ZNF536: variants seen among roughly 807,000 people sequenced by gnomAD.
The protein encoded by ZNF536 is zinc finger protein 536.
A neutral mutation model predicts 84.5 loss-of-function variants in ZNF536; 13 were observed. The ratio of observed to expected loss-of-function variants is 0.15; its 90% CI spans 0.10 to 0.24. The LOEUF (loss-of-function observed/expected upper bound fraction) is 0.24. Ranked by LOEUF, ZNF536 falls within the 10% of genes least tolerant of loss-of-function variation. The probability of loss-of-function intolerance (pLI) is 1.00; values close to 1 mark genes in which losing one functional copy is unlikely to be tolerated. For missense variants in ZNF536, 1,536 were observed against 1,747.5 expected, an observed-to-expected ratio of 0.88 and a Z score of 2.16; for synonymous variants, 811 against 742.5, an observed-to-expected ratio of 1.09 and a Z score of -1.50.
intron 2 of ZNF536, among the ~76,000 whole-genome samples, chr19:30,509,533 C>A (rs932658721): frequency 5.4e-4 from 80 of 148,524 alleles, no homozygotes; most frequent in African/African-American, 1.9e-3. Context: ...TATATAGTAA[C>A]ATATATTTAT....
intron 1 of ZNF536, among the ~76,000 whole-genome samples, chr19:30,688,821 C>T (rs1004311685): frequency 1.3e-5 from 2 of 152,280 alleles, no homozygotes; most frequent in East Asian, 3.9e-4. Context: ...TGTGTTGGGG[C>T]TAAGCTCAGA....
intron 3 of ZNF536, among the ~76,000 whole-genome samples, chr19:30,541,675 A>C (rs2045337700): frequency 6.6e-6 from 1 of 152,244 alleles, no homozygotes. Context: ...AATTAACTAC[A>C]GTTTCTAGGT....
chr19:30,376,336 C>G (rs765897670), intron 1 of ZNF536, among the ~76,000 whole-genome samples: 17 of 152,170 alleles, frequency 1.1e-4, no homozygotes, highest in Non-Finnish European at 2.4e-4. Flanking sequence ...TCGGCTGGCC[C>G]TGTTCCACCC....
intron 1 of ZNF536, among the ~76,000 whole-genome samples, chr19:30,577,964 T>A (rs756085343): frequency 6.6e-6 from 1 of 152,198 alleles, no homozygotes; most frequent in African/African-American, 2.4e-5. Context: ...GGAAAATGAA[T>A]CACTCTTTTA....
At chr19:30,691,260 C>T (rs191472536) in intron 1 of ZNF536, among the ~76,000 whole-genome samples, 2 of 152,262 alleles carry the variant, frequency 1.3e-5, no homozygotes, top group East Asian at 3.9e-4. Context: ...CCACCCCCCA[C>T]ATGCACATGA....
chr19:30,259,619 C>T (rs1385279546), intron 1 of ZNF536, among the ~76,000 whole-genome samples: 1 of 152,180 alleles, frequency 6.6e-6, no homozygotes, highest in African/African-American at 2.4e-5. Flanking sequence ...AAGCCCAATC[C>T]CCATGTTCCA....
intron 1 of ZNF536, among the ~76,000 whole-genome samples, chr19:30,708,008 C>CAAAA (rs60270540): frequency 0.014 from 1,403 of 102,876 alleles, 15 homozygotes; most frequent in Middle Eastern, 0.045. Flanking sequence ...GAGACTCCAT[C>CAAAA]AAAAAAAAAA....
intron 1 of ZNF536, among the ~76,000 whole-genome samples, chr19:30,622,715 C>A (rs2048527320): frequency 6.6e-6 from 1 of 152,160 alleles, no homozygotes; most frequent in African/African-American, 2.4e-5. Context: ...GGTTGAAGGC[C>A]CAGCTTTGGG....
intron 1 of ZNF536, among the ~76,000 whole-genome samples, chr19:30,249,954 C>G (rs2024510970): frequency 6.6e-6 from 1 of 152,172 alleles, no homozygotes; most frequent in Non-Finnish European, 1.5e-5. Context: ...GGCAGCACTC[C>G]CTGAATCTGC....
In ZNF536 at chr19:30,704,819, C is replaced by T. The variant is rs117673904; in HGVS notation, c.170-5938C>T. Reference sequence around the variant, plus strand: ...CACAGCCCCCTCAGCAGGAATGTCTCGCGGTGTTGTTCCATGGGCCCCTCT... The same window carrying T: ...CACAGCCCCCTCAGCAGGAATGTCTTGCGGTGTTGTTCCATGGGCCCCTCT... On this transcript the variant is annotated intron_variant, in intron 1 of 1. Transcript: ENST00000592773. Among the ~76,000 whole-genome samples the T allele has an allele frequency of 8.3e-3, 1,256 of 152,102 alleles. 7 individuals carry two copies. The highest frequency in any genetic ancestry group is 0.013 in the Non-Finnish European group (862 of 67,996).
intron 1 of ZNF536, among the ~76,000 whole-genome samples, chr19:30,377,377 C>T (rs1021733916): frequency 1.3e-5 from 2 of 152,068 alleles, no homozygotes; most frequent in African/African-American, 4.8e-5. Flanking sequence ...CTGTGGTCGC[C>T]AGAATGATGT....
chr19:30,474,561 C>T (rs1011022239), intron 2 of ZNF536, among the ~76,000 whole-genome samples: 16 of 152,086 alleles, frequency 1.1e-4, no homozygotes, highest in Admixed American at 7.2e-4. Context: ...ATCACTCTGT[C>T]GGGGTGAAAG....
At chr19:30,258,848 G>T (rs969417418) in intron 1 of ZNF536, among the ~76,000 whole-genome samples, 2 of 151,998 alleles carry the variant, frequency 1.3e-5, no homozygotes, top group African/African-American at 4.8e-5. Flanking sequence ...CTCCCGAGTA[G>T]CTGGGATTAC....
intron 2 of ZNF536, among the ~76,000 whole-genome samples, chr19:30,345,219 G>A (rs1003377698): frequency 2.0e-4 from 28 of 138,406 alleles, no homozygotes; most frequent in South Asian, 2.6e-4. Flanking sequence ...AGTCAGTAGT[G>A]GGGGAGGACC....
At chr19:30,443,438 A>T (rs1166413276) in intron 1 of ZNF536, 123 bp from the exon 2 acceptor site, 1 of 1,340,948 alleles carries the variant, frequency 7.5e-7, no homozygotes, top group South Asian at 2.0e-5. Flanking sequence ...TTTTGACAAG[A>T]ATTCCTTAGC....
intron 1 of ZNF536, among the ~76,000 whole-genome samples, chr19:30,240,501 A>G (rs1465140657): frequency 3.3e-5 from 5 of 152,202 alleles, no homozygotes; most frequent in Admixed American, 1.3e-4. Context: ...ACCTTGTCCC[A>G]GGGCAGCTCC....
upstream of ZNF536, among the ~76,000 whole-genome samples, chr19:30,368,298 C>T (rs2048503229): frequency 6.6e-6 from 1 of 152,174 alleles, no homozygotes; most frequent in Non-Finnish European, 1.5e-5. Flanking sequence ...TTCTTTTGAC[C>T]ATATCTTTCC....
intron 1 of ZNF536, among the ~76,000 whole-genome samples, chr19:30,621,866 C>T (rs937550756): frequency 4.1e-4 from 63 of 152,220 alleles, no homozygotes; most frequent in African/African-American, 1.5e-3. Flanking sequence ...CTTTCAAACC[C>T]TCTCCTCTTC....
chr19:30,526,672 C>A lies in ZNF536; in HGVS notation c.2171-8175C>A, dbSNP rs933854109. On this transcript the variant is annotated intron_variant, in intron 2 of 4. Transcript: ENST00000355537. ...CCGGGAGGCGGAGCTTGCAGTGAGC[C>A]GAGATTGCGCCACTGCACTCCAGCC... Among the ~76,000 whole-genome samples, 2 of 117,190 alleles carry A rather than the reference C, an allele frequency of 1.7e-5. 1 individual carries two copies. Among genetic ancestry groups the A allele is most frequent in the Non-Finnish European group, 4.1e-5 (2 of 48,518 alleles). 76.9% of individuals were successfully genotyped at this position (117,190 alleles called of 152,430 possible).
Sources: allele counts gnomAD v4.1 joint callset (sites outside exome capture counted in the v4.1 genomes callset), GRCh38; gene constraint gnomAD v4.1.1; transcripts MANE v1.5; gene names NCBI Gene and HGNC (gene_info 2026-07-23, HGNC 2026-07-21).